Variants in TRIM71 observed in about 807,000 individuals in gnomAD.
TRIM71 encodes the protein E3 ubiquitin-protein ligase TRIM71.
TRIM71 carries 9 observed loss-of-function variants against 61.2 expected under a neutral mutation model. The observed-to-expected ratio is 0.15, with a 90% CI of 0.09 to 0.26. The LOEUF (loss-of-function observed/expected upper bound fraction) is 0.26, where lower values mean the gene tolerates loss of function less well. Ranked by LOEUF, TRIM71 falls within the 10% of genes least tolerant of loss-of-function variation. The pLI, the probability that TRIM71 is intolerant of heterozygous loss-of-function variation, is 1.00. For synonymous variants in TRIM71, 645 were observed against 553.2 expected, an observed-to-expected ratio of 1.17 and a Z score of -2.33; for missense variants, 998 against 1,238.7, an observed-to-expected ratio of 0.81 and a Z score of 2.92.
At chr3:32,885,340 G>A (rs897537131) in intron 2 of TRIM71, among the ~76,000 whole-genome samples, 9 of 152,208 alleles carry the variant, frequency 5.9e-5, no homozygotes, top group Non-Finnish European at 8.8e-5. Context: ...ACAGGGTGGC[G>A]TGTGTGATGA....
chr3:32,876,409 C>T (rs1470719649), intron 2 of TRIM71, among the ~76,000 whole-genome samples: 4 of 152,102 alleles, frequency 2.6e-5, no homozygotes, highest in South Asian at 4.1e-4. Flanking sequence ...CATGGTGAAA[C>T]CCCGTCTCTA....
chr3:32,890,232 CTT>C lies in TRIM71; in HGVS notation c.1156-125_1156-124del. The C allele has an allele frequency of 7.7e-7, 1 of 1,302,668 alleles. No individual in the cohort carries two copies. The highest frequency in any genetic ancestry group is 1.0e-6 in the Non-Finnish European group (1 of 952,970). 80.7% of individuals were successfully genotyped at this position (1,302,668 alleles called of 1,614,324 possible). A position where few individuals can be genotyped will look rare whatever the true frequency, so the allele number is the denominator to read the frequency against. On this transcript the variant is annotated intron_variant, in intron 3 of 3. Transcript: ENST00000383763. The surrounding 1 kb of genome is among the most constrained non-coding windows in gnomAD (Gnocchi z 6.2). Reference sequence around the variant, plus strand: ...GCTGCTTTTGAAGAAAGACAGATGTCTTTTGTAGACCATCCCACAATATGTGT... The same window carrying C: ...GCTGCTTTTGAAGAAAGACAGATGTCTTGTAGACCATCCCACAATATGTGT...
intron 2 of TRIM71, among the ~76,000 whole-genome samples, chr3:32,875,992 C>A (rs1349309257): frequency 6.6e-6 from 1 of 152,160 alleles, no homozygotes; most frequent in Non-Finnish European, 1.5e-5. Flanking sequence ...ATGTTCAGAT[C>A]ATAAAATTGG....
chr3:32,881,746 A>G (rs1169938955), intron 2 of TRIM71, among the ~76,000 whole-genome samples: 4 of 152,108 alleles, frequency 2.6e-5, no homozygotes, highest in African/African-American at 2.4e-5. Context: ...CCCCCAACCT[A>G]TCTGCCCTGT....
intron 1 of TRIM71, among the ~76,000 whole-genome samples, chr3:32,856,031 T>C (rs1696599945): frequency 1.3e-5 from 2 of 152,264 alleles, no homozygotes; most frequent in South Asian, 4.1e-4. Flanking sequence ...CTTTTTTGTT[T>C]GTTTGAGACG....
intron 1 of TRIM71, among the ~76,000 whole-genome samples, chr3:32,863,307 C>T (rs1553645618): frequency 2.1e-5 from 3 of 143,570 alleles, no homozygotes; most frequent in Non-Finnish European, 3.0e-5. Flanking sequence ...CTCTTGGGCT[C>T]ATCAAGCCAT....
At chr3:32,820,894 C>T (rs1190242712) in intron 1 of TRIM71, among the ~76,000 whole-genome samples, 7 of 152,162 alleles carry the variant, frequency 4.6e-5, no homozygotes, top group Admixed American at 3.3e-4. Context: ...AAAATTTGCT[C>T]AGTTTTGAGC....
At chr3:32,874,438 C>T (rs1044005218) in intron 2 of TRIM71, among the ~76,000 whole-genome samples, 1 of 151,014 alleles carries the variant, frequency 6.6e-6, no homozygotes. Context: ...TCTCGGCTAA[C>T]CACAACCTCC....
At position 32,835,815 on chromosome 3, in the gene TRIM71, T is replaced by C. The variant is rs147680098; in HGVS notation, c.852+16883T>C. On this transcript the variant is annotated intron_variant, in intron 1 of 3. Transcript: ENST00000383763. ...TGTTTGGATTATCTGTAAATTTTAT[T>C]TTTAAAATGTACCCCGTCCCACTTC... Among the ~76,000 whole-genome samples, 14 of 134,560 alleles carry C rather than the reference T, an allele frequency of 1.0e-4. No individual in the cohort carries two copies. In the East Asian group the frequency reaches 2.9e-3, roughly 28 times the overall value. 88.3% of individuals were successfully genotyped at this position (134,560 alleles called of 152,430 possible). A position where few individuals can be genotyped will look rare whatever the true frequency, so the allele number is the denominator to read the frequency against.
chr3:32,824,079 GAAAAA>G (rs79250386), intron 1 of TRIM71, among the ~76,000 whole-genome samples: 1 of 148,338 alleles, frequency 6.7e-6, no homozygotes, highest in African/African-American at 2.5e-5. Flanking sequence ...CTCAAAAAAA[GAAAAA>G]AAAAAGTGTT....
At chr3:32,845,663 A>T (rs1878887) in intron 1 of TRIM71, among the ~76,000 whole-genome samples, 1 of 151,812 alleles carries the variant, frequency 6.6e-6, no homozygotes, top group East Asian at 1.9e-4. Flanking sequence ...GGGCCTTGGG[A>T]TCTTTCATGA....
intron 1 of TRIM71, among the ~76,000 whole-genome samples, chr3:32,831,703 A>AT (rs1696273162): frequency 6.6e-6 from 1 of 151,728 alleles, no homozygotes. Context: ...TGCCTGGCTA[A>AT]TTTTTGTATT....
Position 32,875,834 on chromosome 3 carries a change from C to CA in TRIM71, c.1020+1857dup, listed in dbSNP as rs542398344. ...CTGGGCAACAGTTAAGACTCTGTTT[C>CA]AAAAAAAATCCGTTTTGAAAGTGCT... On this transcript the variant is annotated intron_variant, in intron 2 of 3. Transcript: ENST00000383763. Among the ~76,000 whole-genome samples, 58 of 151,774 alleles carry CA rather than the reference C, an allele frequency of 3.8e-4. 1 individual carries two copies. In the South Asian group the frequency reaches 8.1e-3, roughly 21 times the overall value.
intron 1 of TRIM71, among the ~76,000 whole-genome samples, chr3:32,856,596 T>A (rs966872814): frequency 1.3e-5 from 2 of 152,206 alleles, no homozygotes; most frequent in African/African-American, 4.8e-5. Flanking sequence ...TGGACATGAA[T>A]AAGAGTGGAG....
rs374512220 is a variant in TRIM71 at position 32,867,516 on chromosome 3, G to A, written c.853-6302G>A. ...GGCCTAGGCTGGAGTGCGGCGGTGC[G>A]ATCATGGCTCACTATAGCCTTCATC... On this transcript the variant is annotated intron_variant, in intron 1 of 3. Coordinates refer to ENST00000383763, the MANE Select transcript of TRIM71 (RefSeq NM_001039111.3). Among the ~76,000 whole-genome samples, 35 of 152,166 alleles carry A rather than the reference G, an allele frequency of 2.3e-4. No individual in the cohort carries two copies. In the East Asian group the frequency reaches 3.7e-3, roughly 16 times the overall value.
Position 32,869,047 on chromosome 3 carries a change from A to G in TRIM71, c.853-4771A>G, listed in dbSNP as rs1677174665. 2.6e-5 allele frequency among the ~76,000 whole-genome samples: 4 copies of G among 152,232 alleles called. No individual in the cohort carries two copies. The South Asian group carries it at 8.3e-4, about 32-fold the overall frequency. ...TACTTAATAGACTTATTTCATGGCT[A>G]GATTTTACCTCCTTGAACTTGGCTT... On this transcript the variant is annotated intron_variant, in intron 1 of 3. Coordinates refer to ENST00000383763, the MANE Select transcript of TRIM71 (RefSeq NM_001039111.3).
Position 32,890,533 on chromosome 3 carries a change from G to A in TRIM71, c.1329G>A (p.Glu443=). 6.2e-7 allele frequency: 1 copy of A among 1,614,076 alleles called. No homozygotes were observed. The stretch of plus-strand genomic sequence containing the variant: ...ACCGGATGCTGGCCCAGGTGCAGGA[G>A]CTGAAGACCGTGCGGAGCCTCCTGC... The part of the protein sequence containing the change: ...ARDRMLAQVQ[E]LKTVRSLLQP... Residue 443 remains glutamate, a synonymous_variant, in exon 4 of 4, where the codon GAG becomes GAA. Coordinates refer to ENST00000383763, the MANE Select transcript of TRIM71 (RefSeq NM_001039111.3). The surrounding 1 kb of genome is among the most constrained non-coding windows in gnomAD (Gnocchi z 6.2).
intron 1 of TRIM71, among the ~76,000 whole-genome samples, chr3:32,859,498 T>C (rs1332985116): frequency 1.3e-5 from 2 of 152,186 alleles, no homozygotes; most frequent in Non-Finnish European, 2.9e-5. Flanking sequence ...CTTCAGGTGA[T>C]CCGCCTGCCT....
intron 2 of TRIM71, among the ~76,000 whole-genome samples, chr3:32,884,129 T>C (rs772932244): frequency 2.0e-5 from 3 of 152,086 alleles, no homozygotes; most frequent in Non-Finnish European, 2.9e-5. Flanking sequence ...TTGTTTTGTT[T>C]AAATAAAGAC....
Sources: allele counts gnomAD v4.1 joint callset (sites outside exome capture counted in the v4.1 genomes callset), GRCh38; gene constraint gnomAD v4.1.1; non-coding constraint Gnocchi (gnomAD v3.1); transcripts MANE v1.5; gene names NCBI Gene and HGNC (gene_info 2026-07-23, HGNC 2026-07-21).